SCAMP3: variants seen among roughly 807,000 people sequenced by gnomAD.
SCAMP3 encodes the protein secretory carrier membrane protein 3.
Under a neutral mutation model 44.1 loss-of-function variants are expected in SCAMP3, and 30 were observed. The ratio of observed to expected loss-of-function variants is 0.68; its 90% CI spans 0.51 to 0.92. SCAMP3 has a LOEUF of 0.92. SCAMP3 is among the 40% of genes least tolerant of loss of function. SCAMP3 has a pLI of 0.00. For synonymous variants in SCAMP3, 168 were observed against 171.1 expected (o/e 0.98, Z 0.14); for missense variants, 394 against 440.0 (o/e 0.90, Z 0.93).
intron 4 of SCAMP3, among the ~76,000 whole-genome samples, chr1:155,259,764 A>C (rs1046664044): frequency 2.6e-5 from 4 of 152,224 alleles, no homozygotes; most frequent in Non-Finnish European, 4.4e-5. Context: ...TAAGCACTGT[A>C]CCAAGTACTT....
rs759078211 is a variant in SCAMP3, at chr1:155,256,648, G to A, written c.897+26C>T. On this transcript the variant is annotated intron_variant, in intron 8 of 8. Transcript: ENST00000302631. ...TGGGGACCCATGATCTCACCATCCC[G>A]GCCCCACCTTCGACACAGCCCTCAC... 3.0e-5 allele frequency: 48 copies of A among 1,594,390 alleles called. No individual in the cohort carries two copies. In the South Asian group the frequency reaches 4.0e-4, roughly 13 times the overall value.
intron 6 of SCAMP3, 50 bp downstream of exon 6, chr1:155,257,448 G>A (rs367779322): frequency 7.5e-6 from 12 of 1,606,558 alleles, no homozygotes; most frequent in South Asian, 1.1e-5. Flanking sequence ...ATGGGCAGAC[G>A]TGGGGCCCAT....
At chr1:155,257,158 A>G (rs1672824907) in intron 7 of SCAMP3, 127 bp downstream of exon 7, 1 of 665,408 alleles carries the variant, frequency 1.5e-6, no homozygotes, top group South Asian at 1.9e-5. Flanking sequence ...TATGTCTTGT[A>G]TCTCATTAAA....
At chr1:155,257,100 C>T (rs1672821547) in intron 7 of SCAMP3, among the ~76,000 whole-genome samples, 185 bp downstream of exon 7, 1 of 152,214 alleles carries the variant, frequency 6.6e-6, no homozygotes, top group African/African-American at 2.4e-5. Flanking sequence ...GCATTCTTCC[C>T]TTCAATCTAT....
At chr1:155,260,285 G>T (rs761089457) in intron 4 of SCAMP3, 45 bp downstream of exon 4, 1 of 1,600,648 alleles carries the variant, frequency 6.2e-7, no homozygotes, top group Admixed American at 1.7e-5. Context: ...ACCTGTTTTT[G>T]CTCCTCCCAA....
chr1:155,256,539 C>A, intron 8 of SCAMP3, 120 bp from the exon 9 acceptor site: 3 of 1,380,320 alleles, frequency 2.2e-6, no homozygotes, highest in South Asian at 2.5e-5. Context: ...CACACAGAAA[C>A]ACACACCCCA....
chr1:155,262,326 G>A lies in SCAMP3; in HGVS notation c.-175C>T, dbSNP rs968316475. 1.3e-4 allele frequency: 77 copies of A among 614,752 alleles called. No individual in the cohort carries two copies. The highest frequency in any genetic ancestry group is 1.8e-4 in the Non-Finnish European group (65 of 355,644). 38.1% of individuals were successfully genotyped at this position (614,752 alleles called of 1,614,324 possible). ...AGGATCCCCGCAGCAGCCGTGGGTT[G>A]CGCCTGCGTCTTGTCCAAAAGCTAA... On this transcript the variant is annotated 5_prime_UTR_variant, in exon 1 of 9. Coordinates refer to ENST00000302631, the MANE Select transcript of SCAMP3 (RefSeq NM_005698.4).
At position 155,260,609 on chromosome 1, in the gene SCAMP3, T is replaced by C. The variant is rs755888303; in HGVS notation, c.195A>G (p.Ser65=). 6.2e-6 allele frequency: 10 copies of C among 1,614,050 alleles called. No homozygotes were observed. The highest frequency in any genetic ancestry group is 7.6e-6 in the Non-Finnish European group (9 of 1,179,972). The change falls in exon 3 of 9, where the codon TCA becomes TCG. Residue 65 remains serine (S), a synonymous_variant. Coordinates refer to ENST00000302631, the MANE Select transcript of SCAMP3 (RefSeq NM_005698.4). ...TTCTCGAGGGCTGCAAGGAGGGAGC[T>C]GAGGGTGGAGGCAATGGGGCAGGGG... The part of the protein sequence containing the change: ...PPAPAPLPPP[S]APSLQPSRKL...
chr1:155,259,766 C>T (rs756763058), intron 4 of SCAMP3, among the ~76,000 whole-genome samples: 21 of 152,108 alleles, frequency 1.4e-4, no homozygotes, highest in Non-Finnish European at 2.6e-4. Context: ...AGCACTGTAC[C>T]AAGTACTTCA....
At chr1:155,258,797 C>T (rs756896345) in intron 5 of SCAMP3, 29 bp downstream of exon 5, 4 of 1,584,466 alleles carry the variant, frequency 2.5e-6, no homozygotes, top group South Asian at 2.3e-5. Context: ...CTACCTGTAA[C>T]TTCCTCCAAA....
intron 1 of SCAMP3, 35 bp from the exon 2 acceptor site, chr1:155,261,769 A>G: frequency 6.3e-7 from 1 of 1,590,132 alleles, no homozygotes; most frequent in Non-Finnish European, 8.6e-7. Flanking sequence ...GCTGGCACCC[A>G]GTGCCACCTA....
At position 155,256,045 on chromosome 1, in the gene SCAMP3, G is replaced by C; in HGVS notation, c.*228C>G. On this transcript the variant is annotated 3_prime_UTR_variant, in exon 9 of 9. Transcript: ENST00000302631. ...AGCAACAGCCGTGGCACAGCAGAGG[G>C]AAGCTGGGTTGGGGCGTGTGAGAGG... 2.4e-6 allele frequency: 1 copy of C among 413,848 alleles called. No individual in the cohort carries two copies. Among genetic ancestry groups the C allele is most frequent in the Admixed American group, 4.3e-5 (1 of 23,504 alleles). 25.6% of individuals were successfully genotyped at this position (413,848 alleles called of 1,614,324 possible). A position where few individuals can be genotyped will look rare whatever the true frequency, so the allele number is the denominator to read the frequency against.
chr1:155,259,638 T>TA (rs1572004726), intron 4 of SCAMP3, among the ~76,000 whole-genome samples: 1 of 152,120 alleles, frequency 6.6e-6, no homozygotes, highest in African/African-American at 2.4e-5. Flanking sequence ...GTGTTGGAAT[T>TA]ACAGGCGTGA....
chr1:155,262,294 G>T lies in SCAMP3; in HGVS notation c.-143C>A, dbSNP rs557745902. The T allele has an allele frequency of 1.4e-5, 10 of 722,262 alleles. No homozygotes were observed. The highest frequency in any genetic ancestry group is 2.2e-5 in the Non-Finnish European group (10 of 448,908). The allele number at this position is 722,262 out of a possible 1,614,324, so 44.7% of individuals were successfully genotyped here. A position where few individuals can be genotyped will look rare whatever the true frequency, so the allele number is the denominator to read the frequency against. ...ACGGATTGGTTCCACCGACCGGAAGGGCCACAAGGATCCCCGCAGCAGCCG... is the reference window on the plus strand; with the variant it reads ...ACGGATTGGTTCCACCGACCGGAAGTGCCACAAGGATCCCCGCAGCAGCCG... On this transcript the variant is annotated 5_prime_UTR_variant, in exon 1 of 9. Coordinates refer to ENST00000302631, the MANE Select transcript of SCAMP3 (RefSeq NM_005698.4).
chr1:155,261,805 A>G, intron 1 of SCAMP3, 71 bp from the exon 2 acceptor site: 1 of 1,453,868 alleles, frequency 6.9e-7, no homozygotes, highest in South Asian at 1.1e-5. Flanking sequence ...ACCATTCCCA[A>G]ACTGCCTGTG....
intron 6 of SCAMP3, 35 bp downstream of exon 6, chr1:155,257,463 G>A: frequency 6.2e-7 from 1 of 1,611,852 alleles, no homozygotes; most frequent in Admixed American, 1.7e-5. Context: ...GCCCATCCCA[G>A]GTCTCCATCA....
At position 155,262,089 on chromosome 1, in the gene SCAMP3, A is replaced by T; in HGVS notation, c.63T>A (p.Phe21Leu). ...GAGGCCGACTGGCGCAAGTCACCTGAAAGGGGTTGTCAAGCTCGCTGGGCT... is the reference window on the plus strand; with the variant it reads ...GAGGCCGACTGGCGCAAGTCACCTGTAAGGGGTTGTCAAGCTCGCTGGGCT... ...FAEPSELDNP[F>L]QDPAVIQHRP... Residue 21 changes from phenylalanine to leucine, a missense_variant, in exon 1 of 9, where the codon TTT (phenylalanine) becomes TTA (leucine). Transcript: ENST00000302631. 4.3e-6 allele frequency: 7 copies of T among 1,614,092 alleles called. No individual in the cohort carries two copies. The highest frequency in any genetic ancestry group is 5.9e-6 in the Non-Finnish European group (7 of 1,179,950).
In SCAMP3 at chr1:155,262,298, A is replaced by T; in HGVS notation, c.-147T>A. 1 of 704,252 alleles carries T rather than the reference A, an allele frequency of 1.4e-6. No individual in the cohort carries two copies. 43.6% of individuals were successfully genotyped at this position (704,252 alleles called of 1,614,324 possible). ...ATTGGTTCCACCGACCGGAAGGGCC[A>T]CAAGGATCCCCGCAGCAGCCGTGGG... On this transcript the variant is annotated 5_prime_UTR_variant, in exon 1 of 9. Transcript: ENST00000302631.
intron 2 of SCAMP3, 112 bp from the exon 3 acceptor site, chr1:155,260,771 C>T: frequency 7.2e-6 from 7 of 966,298 alleles, no homozygotes; most frequent in Non-Finnish European, 1.1e-5. Flanking sequence ...CAGCCTTTCC[C>T]CCATTTGTTA....
Sources: allele counts gnomAD v4.1 joint callset (sites outside exome capture counted in the v4.1 genomes callset), GRCh38; gene constraint gnomAD v4.1.1; transcripts MANE v1.5; gene names NCBI Gene and HGNC (gene_info 2026-07-23, HGNC 2026-07-21).